The following TFCP2 variants were observed in gnomAD, a reference collection of about 807,000 sequenced individuals.
The protein encoded by TFCP2 is transcription factor CP2, also known as alpha-globin transcription factor CP2.
A neutral mutation model predicts 73.4 loss-of-function variants in TFCP2; 33 were observed. That is an observed-to-expected ratio of 0.45 (90% confidence interval 0.34 to 0.60). The LOEUF is 0.60. Among genes scored for constraint, TFCP2 ranks in the 20% least tolerant of loss-of-function variants. TFCP2 has a pLI of 0.01. For missense variants in TFCP2, 352 were observed against 604.0 expected (o/e 0.58, Z 4.37); for synonymous variants, 193 against 211.6 (o/e 0.91, Z 0.76).
chr12:51,146,798 A>G (rs920421510), intron 1 of TFCP2, among the ~76,000 whole-genome samples: 1 of 152,192 alleles, frequency 6.6e-6, no homozygotes, highest in Non-Finnish European at 1.5e-5. Flanking sequence ...TGCTTTTAGC[A>G]TATTTATTTC....
intron 9 of TFCP2, 117 bp from the exon 10 acceptor site, chr12:51,103,880 G>A: frequency 1.2e-6 from 1 of 857,570 alleles, no homozygotes; most frequent in Non-Finnish European, 1.9e-6. Context: ...TGTGAAAGTT[G>A]TTTTCTCTTT....
rs138470195 is a variant in TFCP2 at position 51,125,085 on chromosome 12, A to G, written c.123-6313T>C. Reference sequence around the variant, plus strand: ...CACAGGCTCATCATAGTCCTCTCCGATGCTGGTGAAGATGCGAGGAAGCTG... The same window carrying G: ...CACAGGCTCATCATAGTCCTCTCCGGTGCTGGTGAAGATGCGAGGAAGCTG... On this transcript the variant is annotated intron_variant, in intron 1 of 14. Coordinates refer to ENST00000257915, the MANE Select transcript of TFCP2 (RefSeq NM_005653.5). The G allele has an allele frequency of 1.9e-4, 140 of 755,874 alleles. 1 individual carries two copies. Among genetic ancestry groups the G allele is most frequent in the Middle Eastern group, 1.2e-3 (5 of 4,294 alleles). The allele number at this position is 755,874 out of a possible 1,614,324, so 46.8% of individuals were successfully genotyped here.
chr12:51,125,977 TC>T (rs1228837901), intron 1 of TFCP2, among the ~76,000 whole-genome samples: 1 of 152,038 alleles, frequency 6.6e-6, no homozygotes, highest in East Asian at 1.9e-4. Context: ...ACGCCTGTAA[TC>T]CCAGCACTTT....
chr12:51,168,501 TTGAGACAGGGTC>T (rs1941797357), intron 1 of TFCP2, among the ~76,000 whole-genome samples: 1 of 152,126 alleles, frequency 6.6e-6, no homozygotes. Context: ...TTTTGTTTTT[TTGAGACAGGGTC>T]TCACCCTGTC....
intron 10 of TFCP2, among the ~76,000 whole-genome samples, chr12:51,102,877 C>T (rs760529007): frequency 8.6e-5 from 13 of 150,976 alleles, no homozygotes; most frequent in Admixed American, 2.0e-4. Context: ...TATTTTGATT[C>T]GATTAGTTGT....
chr12:51,144,966 C>T (rs924326499), intron 1 of TFCP2, among the ~76,000 whole-genome samples: 1 of 151,834 alleles, frequency 6.6e-6, no homozygotes, highest in Non-Finnish European at 1.5e-5. Flanking sequence ...TTTGGGAGGC[C>T]GAGGTGGGCG....
chr12:51,167,535 G>C (rs565926356), intron 1 of TFCP2, among the ~76,000 whole-genome samples: 14 of 152,184 alleles, frequency 9.2e-5, no homozygotes, highest in African/African-American at 3.1e-4. Context: ...TGAGATTACA[G>C]GTGTGCACCA....
At chr12:51,114,749 A>G (rs937896701) in intron 4 of TFCP2, among the ~76,000 whole-genome samples, 3 of 152,048 alleles carry the variant, frequency 2.0e-5, no homozygotes, top group Non-Finnish European at 4.4e-5. Flanking sequence ...CACAACCATC[A>G]GGATGGATAT....
intron 1 of TFCP2, among the ~76,000 whole-genome samples, chr12:51,158,470 A>T (rs1941583071): frequency 1.3e-5 from 2 of 151,902 alleles, no homozygotes; most frequent in Non-Finnish European, 2.9e-5. Context: ...TGATCATCCT[A>T]GTCATCAGTA....
In TFCP2 at chr12:51,130,936, C is replaced by T. The variant is rs542524542; in HGVS notation, c.123-12164G>A. On this transcript the variant is annotated intron_variant, in intron 1 of 14. Coordinates refer to ENST00000257915, the MANE Select transcript of TFCP2 (RefSeq NM_005653.5). ...CCGGGAGGCAGGGGTTGCAGTGAGC[C>T]GAGATTGCGCCACTGCACTCCAGCC... Among the ~76,000 whole-genome samples the T allele has an allele frequency of 1.6e-4, 25 of 151,542 alleles. No homozygotes were observed. In the East Asian group the frequency reaches 4.7e-3, roughly 28 times the overall value.
At chr12:51,120,666 C>T (rs992990781) in intron 1 of TFCP2, among the ~76,000 whole-genome samples, 1 of 152,002 alleles carries the variant, frequency 6.6e-6, no homozygotes, top group African/African-American at 2.4e-5. Context: ...TGGTGGCTCA[C>T]GGCTGTAATT....
chr12:51,125,272 AT>A, intron 1 of TFCP2: 1 of 571,226 alleles, frequency 1.8e-6, no homozygotes, highest in Non-Finnish European at 3.4e-6. Flanking sequence ...ATGTCCTGTC[AT>A]TTTTGTCCTG....
intron 1 of TFCP2, among the ~76,000 whole-genome samples, chr12:51,130,110 A>G (rs914596919): frequency 2.0e-5 from 3 of 151,670 alleles, no homozygotes; most frequent in Non-Finnish European, 4.4e-5. Flanking sequence ...GTGCCATTGC[A>G]CTCCAGCCTG....
chr12:51,168,988 G>C (rs946661560), intron 1 of TFCP2, among the ~76,000 whole-genome samples: 6 of 151,718 alleles, frequency 4.0e-5, no homozygotes, highest in African/African-American at 1.2e-4. Flanking sequence ...TGTTGGTAGA[G>C]ACAGGGTTTC....
At position 51,118,663 on chromosome 12, in the gene TFCP2, C is replaced by T; in HGVS notation, c.232G>A (p.Ala78Thr). 6.2e-7 allele frequency: 1 copy of T among 1,614,132 alleles called. No homozygotes were observed. ...AGGGTTTCATCATGGAGTTTCACTGCTGGAGAGGTAGCAGCACAAAGCACA... is the reference window on the plus strand; with the variant it reads ...AGGGTTTCATCATGGAGTTTCACTGTTGGAGAGGTAGCAGCACAAAGCACA... ...QYVLCAATSP[A>T]VKLHDETLTY... The change falls in exon 2 of 15, where the codon GCA becomes ACA. Residue 78 changes from alanine (A) to threonine (T), a missense_variant. Ala to Thr is a moderately conservative substitution (Grantham distance 58, BLOSUM62 0). This residue lies in a region of TFCP2 where 76 missense variants were observed against 163.2 expected (regional missense o/e 0.47). Coordinates refer to ENST00000257915, the MANE Select transcript of TFCP2 (RefSeq NM_005653.5).
chr12:51,140,445 C>CTTTTTTTTTTTTTTTTTTTTTTTT (rs768526922), intron 1 of TFCP2, among the ~76,000 whole-genome samples: 18 of 88,036 alleles, frequency 2.0e-4, no homozygotes, highest in African/African-American at 2.7e-4. Context: ...TTTTCTTTTT[C>CTTTTTTTTTTTTTTTTTTTTTTTT]TTTTTTTTTT....
intron 1 of TFCP2, among the ~76,000 whole-genome samples, chr12:51,170,561 G>A (rs1408310801): frequency 6.6e-6 from 1 of 152,026 alleles, no homozygotes; most frequent in Non-Finnish European, 1.5e-5. Flanking sequence ...TTGGCTTCAA[G>A]AGATCCTCCA....
chr12:51,152,427 T>A (rs1332508430), intron 1 of TFCP2, among the ~76,000 whole-genome samples: 1 of 152,228 alleles, frequency 6.6e-6, no homozygotes, highest in African/African-American at 2.4e-5. Context: ...GATATTCTTT[T>A]ACTATAATGG....
intron 1 of TFCP2, among the ~76,000 whole-genome samples, chr12:51,141,097 T>G (rs1941183128): frequency 4.2e-5 from 1 of 24,046 alleles, no homozygotes; most frequent in African/African-American, 8.8e-5. Flanking sequence ...AAATAATATT[T>G]TTTACATTTT....
Sources: gnomAD v4.1 joint callset for allele counts (sites outside exome capture counted in the v4.1 genomes callset) on GRCh38, gnomAD v4.1.1 for gene constraint, gnomAD v4.1.1 regional missense constraint, MANE v1.5 for transcripts, NCBI Gene and HGNC (gene_info 2026-07-23, HGNC 2026-07-21) for gene names.